GPR158: variants seen among roughly 807,000 people sequenced by gnomAD.
GPR158 encodes the protein metabotropic glycine receptor.
A neutral mutation model predicts 78.2 loss-of-function variants in GPR158; 30 were observed. That is an observed-to-expected ratio of 0.38 (90% CI 0.29 to 0.52). GPR158 has a LOEUF of 0.52. Among genes scored for constraint, GPR158 ranks in the 20% least tolerant of loss-of-function variants. The probability of loss-of-function intolerance (pLI) is 0.83; values close to 1 mark genes in which losing one functional copy is unlikely to be tolerated. For synonymous variants in GPR158, 581 were observed against 591.1 expected, an observed-to-expected ratio of 0.98 and a Z score of 0.25; for missense variants, 1,463 against 1,523.5, an observed-to-expected ratio of 0.96 and a Z score of 0.66.
chr10:25,271,967 G>T (rs931678926), intron 2 of GPR158, among the ~76,000 whole-genome samples: 12 of 152,046 alleles, frequency 7.9e-5, no homozygotes, highest in African/African-American at 2.2e-4. Flanking sequence ...TGATTTCTTT[G>T]TGGGCAAAAA....
intron 2 of GPR158, among the ~76,000 whole-genome samples, chr10:25,327,257 C>CACACACACACACACAGAAACACAA (rs1855049333): frequency 6.6e-6 from 1 of 151,914 alleles, no homozygotes; most frequent in Non-Finnish European, 1.5e-5. Flanking sequence ...TACAAACACA[C>CACACACACACACACAGAAACACAA]ACACACACAC....
At chr10:25,318,029 G>C (rs1854886073) in intron 2 of GPR158, among the ~76,000 whole-genome samples, 1 of 152,096 alleles carries the variant, frequency 6.6e-6, no homozygotes, top group South Asian at 2.1e-4. Context: ...GGCCCATAAA[G>C]TACTTTTGAT....
rs1837305829 is a variant in GPR158 at position 25,588,994 on chromosome 10, G to T, written c.1754-13G>T. 1 of 1,529,740 alleles carries T rather than the reference G, an allele frequency of 6.5e-7. No homozygotes were observed. Among genetic ancestry groups the T allele is most frequent in the Non-Finnish European group, 8.9e-7 (1 of 1,124,070 alleles). The allele number at this position is 1,529,740 out of a possible 1,614,324, so 94.8% of individuals were successfully genotyped here. ...CCTATAAAACTCATGAAAATGGTTT[G>T]TTATTTTCACAGCTGAATTTTTATT... On this transcript the variant is annotated splice_polypyrimidine_tract_variant and intron_variant, in intron 7 of 10. Coordinates refer to ENST00000376351, the MANE Select transcript of GPR158 (RefSeq NM_020752.3).
intron 8 of GPR158, among the ~76,000 whole-genome samples, chr10:25,590,293 C>A (rs1346009739): frequency 6.6e-6 from 1 of 151,982 alleles, no homozygotes; most frequent in African/African-American, 2.4e-5. Flanking sequence ...ATCAAGAGGC[C>A]AGGAATCTAG....
intron 2 of GPR158, among the ~76,000 whole-genome samples, chr10:25,353,201 A>C (rs891577717): frequency 1.3e-5 from 2 of 151,994 alleles, no homozygotes; most frequent in African/African-American, 2.4e-5. Flanking sequence ...CCAATTTTTT[A>C]TTTAATAGTT....
intron 4 of GPR158, among the ~76,000 whole-genome samples, chr10:25,423,176 T>C (rs570895378): frequency 5.0e-4 from 75 of 150,876 alleles, no homozygotes; most frequent in Non-Finnish European, 7.7e-4. Context: ...TGTGTATATA[T>C]GTATATACAC....
chr10:25,260,727 C>T (rs900378320), intron 2 of GPR158, among the ~76,000 whole-genome samples: 2 of 151,928 alleles, frequency 1.3e-5, no homozygotes, highest in Non-Finnish European at 2.9e-5. Context: ...TCTTGTTTTC[C>T]ATATGTAGCT....
chr10:25,489,275 A>G (rs895531157), intron 5 of GPR158, among the ~76,000 whole-genome samples: 1 of 152,190 alleles, frequency 6.6e-6, no homozygotes, highest in Non-Finnish European at 1.5e-5. Flanking sequence ...TTAAAACTGT[A>G]TAAATTTTAT....
chr10:25,593,686 T>G (rs1266987007), intron 8 of GPR158, among the ~76,000 whole-genome samples: 1 of 152,042 alleles, frequency 6.6e-6, no homozygotes, highest in Non-Finnish European at 1.5e-5. Context: ...AATTTCTCCA[T>G]CAGATAAGAT....
In GPR158 at chr10:25,598,271, C is replaced by G. The variant is rs2130756634; in HGVS notation, c.2645C>G (p.Ala882Gly). 6.2e-7 allele frequency: 1 copy of G among 1,614,036 alleles called. No homozygotes were observed. The change falls in exon 11 of 11, where the codon GCT (alanine) becomes GGT (glycine). Residue 882 changes from alanine (A) to glycine (G), a missense_variant. Physicochemically the swap from Ala to Gly is moderately conservative, Grantham distance 60 (BLOSUM62 0). Transcript: ENST00000376351. ...SVPLVCKSASAHNLSSEKKTG... is the reference protein window; with the variant it reads ...SVPLVCKSASGHNLSSEKKTG... ...CCGTTGGTGTGCAAGTCAGCAAGCG[C>G]TCACAACCTCAGCTCAGAGAAGAAA...
At chr10:25,475,607 A>G (rs541036649) in intron 5 of GPR158, 54 of 152,270 alleles carry the variant, frequency 3.5e-4, no homozygotes, top group Admixed American at 2.1e-3. Context: ...GAATTTTGCT[A>G]TAAGGAAGAC....
intron 1 of GPR158, among the ~76,000 whole-genome samples, chr10:25,189,435 A>G (rs1588725694): frequency 2.0e-5 from 3 of 152,268 alleles, no homozygotes; most frequent in Non-Finnish European, 2.9e-5. Flanking sequence ...GCACATATAC[A>G]CCATGGAATA....
chr10:25,409,122 C>T (rs1052355885), intron 3 of GPR158, among the ~76,000 whole-genome samples: 1 of 152,166 alleles, frequency 6.6e-6, no homozygotes, highest in Non-Finnish European at 1.5e-5. Context: ...CATTATACAG[C>T]CTTGTGTTGG....
intron 2 of GPR158, among the ~76,000 whole-genome samples, chr10:25,241,339 TTCTCTTTTC>T (rs1853620815): frequency 1.1e-5 from 1 of 87,888 alleles, no homozygotes; most frequent in African/African-American, 5.6e-5. Context: ...CTCTTCTCTT[TTCTCTTTTC>T]TCTTTTCTTT....
intron 5 of GPR158, among the ~76,000 whole-genome samples, chr10:25,470,832 T>C (rs1354260169): frequency 2.0e-5 from 3 of 152,180 alleles, no homozygotes; most frequent in Non-Finnish European, 2.9e-5. Flanking sequence ...TTTTTAATTA[T>C]CTGAATATCT....
intron 4 of GPR158, among the ~76,000 whole-genome samples, chr10:25,448,931 A>C (rs1835177267): frequency 6.6e-6 from 1 of 152,180 alleles, no homozygotes; most frequent in Admixed American, 6.5e-5. Flanking sequence ...TTAAGTAATA[A>C]TGTAAAAAAC....
At chr10:25,432,348 G>C (rs1834922804) in intron 4 of GPR158, among the ~76,000 whole-genome samples, 1 of 152,170 alleles carries the variant, frequency 6.6e-6, no homozygotes, top group Non-Finnish European at 1.5e-5. Context: ...TATTGCTGAT[G>C]ACTATAAACT....
At chr10:25,546,013 T>C (rs1836657847) in intron 5 of GPR158, among the ~76,000 whole-genome samples, 1 of 152,130 alleles carries the variant, frequency 6.6e-6, no homozygotes, top group Admixed American at 6.6e-5. Flanking sequence ...GTAAATAACG[T>C]GCAAATAAGA....
rs146034261 is a variant in GPR158, at chr10:25,262,657, C to T, written c.1008+41500C>T. ...CCTCTATCCCTCACATGTGGAACCTCCCCCACTGTCTACATTCTGCACCAC... is the reference window on the plus strand; with the variant it reads ...CCTCTATCCCTCACATGTGGAACCTTCCCCACTGTCTACATTCTGCACCAC... On this transcript the variant is annotated intron_variant, in intron 2 of 10. Transcript: ENST00000376351. Among the ~76,000 whole-genome samples the T allele has an allele frequency of 2.1e-3, 315 of 152,260 alleles. 5 individuals carry two copies. The highest frequency in any genetic ancestry group is 7.4e-3 in the African/African-American group (308 of 41,564).
Sources: allele counts gnomAD v4.1 joint callset (sites outside exome capture counted in the v4.1 genomes callset), GRCh38; gene constraint gnomAD v4.1.1; transcripts MANE v1.5; gene names NCBI Gene and HGNC (gene_info 2026-07-23, HGNC 2026-07-21).